NAALAD2: variants seen among roughly 807,000 people sequenced by gnomAD.
The protein encoded by NAALAD2 is N-acetylated alpha-linked acidic dipeptidase 2.
In NAALAD2, 89 loss-of-function variants were observed where a neutral mutation model predicts 95.6. The ratio of observed to expected loss-of-function variants is 0.93; its 90% confidence interval spans 0.78 to 1.11. The LOEUF (loss-of-function observed/expected upper bound fraction) is 1.11. Ranked by LOEUF, NAALAD2 falls within the 50% of genes least tolerant of loss-of-function variation. The probability of loss-of-function intolerance (pLI) is 0.00; values close to 1 mark genes in which losing one functional copy is unlikely to be tolerated. For missense variants in NAALAD2, 894 were observed against 872.4 expected, an observed-to-expected ratio of 1.02 and a Z score of -0.31; for synonymous variants, 264 against 294.4, an observed-to-expected ratio of 0.90 and a Z score of 1.06.
intron 11 of NAALAD2, chr11:90,164,099 T>G (rs1952372397): frequency 1.1e-5 from 2 of 179,230 alleles, no homozygotes; most frequent in Non-Finnish European, 2.3e-5. Flanking sequence ...CAACCATAAG[T>G]ATACTTTAGC....
At position 90,148,647 on chromosome 11, in the gene NAALAD2, G is replaced by A. The variant is rs143870989; in HGVS notation, c.382-359G>A. Among the ~76,000 whole-genome samples the A allele has an allele frequency of 1.5e-3, 232 of 152,108 alleles. 1 individual carries two copies. Among genetic ancestry groups the A allele is most frequent in the African/African-American group, 5.2e-3 (215 of 41,480 alleles). ...GTACAGAGGCAAGCAATGGGCTGGG[G>A]ATAAAACATGGGGAAATATTATTTA... On this transcript the variant is annotated intron_variant, in intron 3 of 18. Coordinates refer to ENST00000534061, the MANE Select transcript of NAALAD2 (RefSeq NM_005467.4).
At chr11:90,152,090 T>G (rs1381759858) in intron 5 of NAALAD2, among the ~76,000 whole-genome samples, 1 of 152,216 alleles carries the variant, frequency 6.6e-6, no homozygotes, top group African/African-American at 2.4e-5. Context: ...GAAGAAATGA[T>G]AACTCGTTTA....
intron 4 of NAALAD2, among the ~76,000 whole-genome samples, chr11:90,149,350 T>C (rs1287650898): frequency 1.3e-5 from 2 of 152,158 alleles, no homozygotes; most frequent in Non-Finnish European, 2.9e-5. Context: ...GCTGAAGCAG[T>C]TGCCACTCTC....
At chr11:90,148,089 A>G (rs571356645) in intron 3 of NAALAD2, among the ~76,000 whole-genome samples, 1 of 152,174 alleles carries the variant, frequency 6.6e-6, no homozygotes, top group East Asian at 1.9e-4. Context: ...TAGGGAGCTT[A>G]AACTTCAACT....
chr11:90,138,534 G>A (rs1435768543), intron 2 of NAALAD2, among the ~76,000 whole-genome samples: 2 of 152,082 alleles, frequency 1.3e-5, no homozygotes, highest in Non-Finnish European at 2.9e-5. Flanking sequence ...TTGAATAATG[G>A]AAACCCTTCT....
chr11:90,142,064 T>C (rs763106297), intron 2 of NAALAD2, among the ~76,000 whole-genome samples: 73 of 152,156 alleles, frequency 4.8e-4, no homozygotes, highest in Admixed American at 2.6e-4. Flanking sequence ...CTTTGTCAAG[T>C]TAAGAAAGCT....
intron 2 of NAALAD2, among the ~76,000 whole-genome samples, chr11:90,138,805 A>C (rs1951524425): frequency 7.6e-6 from 1 of 132,018 alleles, no homozygotes; most frequent in South Asian, 2.3e-4. Context: ...TGGCTCTGTC[A>C]TCAATCCTGT....
At chr11:90,177,401 C>T (rs17225233) in intron 15 of NAALAD2, among the ~76,000 whole-genome samples, 3,376 of 148,776 alleles carry the variant, frequency 0.023, 63 homozygotes, top group African/African-American at 0.044. Context: ...TTTTAGTTAT[C>T]GAAGATACAA....
At chr11:90,178,515 C>A (rs1006409075) in intron 16 of NAALAD2, among the ~76,000 whole-genome samples, 3 of 151,980 alleles carry the variant, frequency 2.0e-5, no homozygotes, top group Admixed American at 1.3e-4. Context: ...ACTGAAAATA[C>A]AAAAAACTAG....
intron 12 of NAALAD2, 33 bp downstream of exon 12, chr11:90,169,025 C>T (rs1391993923): frequency 2.6e-6 from 4 of 1,521,146 alleles, no homozygotes; most frequent in African/African-American, 1.4e-5. Context: ...GTGAAATTTT[C>T]AGAAAGGAAA....
At chr11:90,158,479 A>G (rs1952188560) in intron 7 of NAALAD2, 1 of 366,388 alleles carries the variant, frequency 2.7e-6, no homozygotes, top group Admixed American at 4.9e-5. Context: ...ATACAAAGCT[A>G]TGTCCTAAGA....
chr11:90,165,279 A>G (rs912729805), intron 11 of NAALAD2, among the ~76,000 whole-genome samples: 1 of 152,180 alleles, frequency 6.6e-6, no homozygotes, highest in African/African-American at 2.4e-5. Flanking sequence ...TGCAATGAAC[A>G]TATGTGTGTA....
chr11:90,172,029 T>C (rs1467995857), intron 13 of NAALAD2, among the ~76,000 whole-genome samples: 2 of 152,010 alleles, frequency 1.3e-5, no homozygotes, highest in Non-Finnish European at 2.9e-5. Flanking sequence ...CTGATCTGGA[T>C]TTTCTAGGCC....
At chr11:90,181,146 T>C (rs770152876) in intron 16 of NAALAD2, among the ~76,000 whole-genome samples, 3 of 152,120 alleles carry the variant, frequency 2.0e-5, no homozygotes, top group Non-Finnish European at 4.4e-5. Context: ...TCAAATCTGA[T>C]CCTCTTTCTC....
intron 18 of NAALAD2, among the ~76,000 whole-genome samples, chr11:90,188,669 C>T (rs1189225613): frequency 2.6e-5 from 4 of 152,248 alleles, no homozygotes; most frequent in African/African-American, 9.6e-5. Context: ...TTTCAACATA[C>T]GAATTTGGGG....
Position 90,170,056 on chromosome 11 carries a change from A to C in NAALAD2, c.1343-13A>C. On this transcript the variant is annotated splice_polypyrimidine_tract_variant and intron_variant, in intron 12 of 18. Coordinates refer to ENST00000534061, the MANE Select transcript of NAALAD2 (RefSeq NM_005467.4). ...AGTATGAAATAATACTCTGTGTCTT[A>C]TTTATTTTTCAGGCAATTATACTCT... 6.7e-7 allele frequency: 1 copy of C among 1,485,992 alleles called. No homozygotes were observed. Among genetic ancestry groups the C allele is most frequent in the Non-Finnish European group, 9.4e-7 (1 of 1,063,940 alleles). 92.1% of individuals were successfully genotyped at this position (1,485,992 alleles called of 1,614,324 possible). A position where few individuals can be genotyped will look rare whatever the true frequency, so the allele number is the denominator to read the frequency against.
chr11:90,138,300 G>T (rs1951502058), intron 2 of NAALAD2, among the ~76,000 whole-genome samples: 1 of 152,074 alleles, frequency 6.6e-6, no homozygotes, highest in Non-Finnish European at 1.5e-5. Context: ...AAGAGGAGGG[G>T]TTGGTCTTGC....
chr11:90,166,675 A>T (rs1158345953), intron 11 of NAALAD2, among the ~76,000 whole-genome samples: 1 of 152,016 alleles, frequency 6.6e-6, no homozygotes, highest in East Asian at 1.9e-4. Context: ...CTCTACTAAA[A>T]ATACAAAAAA....
At chr11:90,135,793 C>A in intron 2 of NAALAD2, 123 bp downstream of exon 2, 8 of 607,772 alleles carry the variant, frequency 1.3e-5, no homozygotes, top group East Asian at 3.4e-5. Flanking sequence ...TATTAGTCAT[C>A]AACTTTTTTT....
Sources: gnomAD v4.1 joint callset for allele counts (sites outside exome capture counted in the v4.1 genomes callset) on GRCh38, gnomAD v4.1.1 for gene constraint, MANE v1.5 for transcripts, NCBI Gene and HGNC (gene_info 2026-07-23, HGNC 2026-07-21) for gene names.